Variants in FAM135B observed in about 807,000 individuals in gnomAD.
FAM135B encodes the protein protein FAM135B.
In FAM135B, 43 loss-of-function variants were observed where a neutral mutation model predicts 127.7. The ratio of observed to expected loss-of-function variants is 0.34; its 90% confidence interval spans 0.26 to 0.43. The LOEUF is 0.43. Ranked by LOEUF, FAM135B falls within the 20% of genes least tolerant of loss-of-function variation. The pLI is 1.00. For synonymous variants in FAM135B, 670 were observed against 665.1 expected (o/e 1.01, Z -0.11); for missense variants, 1,558 against 1,725.6 (o/e 0.90, Z 1.72).
intron 17 of FAM135B, among the ~76,000 whole-genome samples, chr8:138,140,804 C>T (rs1180242813): frequency 8.5e-5 from 13 of 152,104 alleles, no homozygotes; most frequent in Admixed American, 8.5e-4. Context: ...GACTGAGGAG[C>T]ACAGAGATTA....
At chr8:138,492,786 G>A (rs763321576) in intron 1 of FAM135B, among the ~76,000 whole-genome samples, 1 of 152,028 alleles carries the variant, frequency 6.6e-6, no homozygotes, top group Non-Finnish European at 1.5e-5. Context: ...CTTTAAGAAG[G>A]CATCCTTGAC....
chr8:138,380,995 A>AT (rs398047487), intron 1 of FAM135B, among the ~76,000 whole-genome samples: 1 of 151,696 alleles, frequency 6.6e-6, no homozygotes, highest in African/African-American at 2.4e-5. Context: ...ACAAAAAAAA[A>AT]CAGAACATTT....
intron 12 of FAM135B, among the ~76,000 whole-genome samples, chr8:138,155,962 G>C (rs1255234841): frequency 3.3e-5 from 5 of 152,142 alleles, no homozygotes; most frequent in Non-Finnish European, 5.9e-5. Context: ...GACATCTACA[G>C]AACTCTCCAC....
intron 9 of FAM135B, among the ~76,000 whole-genome samples, chr8:138,193,546 T>C (rs1368586557): frequency 2.6e-5 from 4 of 152,192 alleles, no homozygotes; most frequent in African/African-American, 9.7e-5. Flanking sequence ...GTTCCTGTGT[T>C]CCTTGTTGTT....
At chr8:138,323,204 A>G (rs1827571698) in intron 2 of FAM135B, among the ~76,000 whole-genome samples, 2 of 152,316 alleles carry the variant, frequency 1.3e-5, no homozygotes, top group South Asian at 2.1e-4. Flanking sequence ...CTCTACCCGC[A>G]TTCTCCTTAT....
chr8:138,457,625 A>G (rs1836867291), intron 1 of FAM135B, among the ~76,000 whole-genome samples: 2 of 152,162 alleles, frequency 1.3e-5, no homozygotes, highest in South Asian at 2.1e-4. Context: ...AAGGGTTTTC[A>G]TCATCCTTTA....
chr8:138,310,734 T>C (rs1429463605), intron 3 of FAM135B, 107 bp downstream of exon 3: 1 of 959,472 alleles, frequency 1.0e-6, no homozygotes, highest in African/African-American at 1.7e-5. Context: ...CACCACAGAT[T>C]GACTGAGTAT....
intron 12 of FAM135B, among the ~76,000 whole-genome samples, chr8:138,163,671 C>T (rs1248918322): frequency 6.6e-6 from 1 of 152,126 alleles, no homozygotes; most frequent in Non-Finnish European, 1.5e-5. Context: ...GCCTCCCTAG[C>T]CACGTGGAAC....
chr8:138,345,403 A>G (rs1169715260), intron 2 of FAM135B, among the ~76,000 whole-genome samples: 1 of 152,230 alleles, frequency 6.6e-6, no homozygotes, highest in Non-Finnish European at 1.5e-5. Flanking sequence ...TGCAGATGGA[A>G]AGAGTGCTTG....
intron 2 of FAM135B, among the ~76,000 whole-genome samples, chr8:138,351,064 C>G (rs1368239444): frequency 2.6e-5 from 4 of 152,140 alleles, no homozygotes; most frequent in Non-Finnish European, 5.9e-5. Context: ...AAAATCCATA[C>G]AGAATCTACC....
chr8:138,433,461 T>G (rs1835302698), intron 1 of FAM135B, among the ~76,000 whole-genome samples: 1 of 151,548 alleles, frequency 6.6e-6, no homozygotes, highest in Non-Finnish European at 1.5e-5. Flanking sequence ...CAGCAGAGGT[T>G]GCAGTGAGCA....
At position 138,155,466 on chromosome 8, in the gene FAM135B, G is replaced by A. The variant is rs559753502; in HGVS notation, c.1259-2250C>T. On this transcript the variant is annotated intron_variant, in intron 12 of 19. Coordinates refer to ENST00000395297, the MANE Select transcript of FAM135B (RefSeq NM_015912.4). ...AAGAATATTAAACTTAAATGTAAAT[G>A]GGCTAAATGCTCCAATTAAAAGACA... Among the ~76,000 whole-genome samples the A allele has an allele frequency of 1.3e-3, 199 of 152,226 alleles. 4 individuals carry two copies. The highest frequency in any genetic ancestry group is 5.6e-3 in the South Asian group (27 of 4,824).
intron 9 of FAM135B, among the ~76,000 whole-genome samples, chr8:138,187,090 T>C (rs1815652084): frequency 6.6e-6 from 1 of 152,206 alleles, no homozygotes; most frequent in African/African-American, 2.4e-5. Flanking sequence ...ATGTTGGTAT[T>C]GTCATTGTTG....
chr8:138,177,341 A>G lies in FAM135B; in HGVS notation c.1103+6T>C, dbSNP rs372804571. ...GGGATGAAGTGGGCATGCAATGGATACTTACAGATTCTCCTGAAATGTCAG... is the reference window on the plus strand; with the variant it reads ...GGGATGAAGTGGGCATGCAATGGATGCTTACAGATTCTCCTGAAATGTCAG... On this transcript the variant is annotated splice_donor_region_variant and intron_variant, in intron 11 of 19. Coordinates refer to ENST00000395297, the MANE Select transcript of FAM135B (RefSeq NM_015912.4). The G allele has an allele frequency of 3.1e-6, 5 of 1,612,902 alleles. No individual in the cohort carries two copies. The African/African-American group carries it at 6.7e-5, about 22-fold the overall frequency.
intron 1 of FAM135B, among the ~76,000 whole-genome samples, chr8:138,376,170 T>C (rs1831459576): frequency 6.6e-6 from 1 of 152,138 alleles, no homozygotes; most frequent in African/African-American, 2.4e-5. Context: ...CTCGAACTCC[T>C]GACCCCAAGT....
chr8:138,440,982 TAAAG>T (rs911127522), intron 1 of FAM135B: 2 of 152,068 alleles, frequency 1.3e-5, no homozygotes, highest in Admixed American at 6.6e-5. Context: ...ACACAGACCT[TAAAG>T]AAAGAGAGGA....
At chr8:138,442,219 C>T (rs1250711724) in intron 1 of FAM135B, among the ~76,000 whole-genome samples, 4 of 72,740 alleles carry the variant, frequency 5.5e-5, no homozygotes, top group South Asian at 9.2e-4. Flanking sequence ...AAAAATTTAA[C>T]GTGAAGAATA....
intron 1 of FAM135B, among the ~76,000 whole-genome samples, chr8:138,377,616 T>A (rs1587285978): frequency 6.6e-6 from 1 of 152,192 alleles, no homozygotes; most frequent in East Asian, 1.9e-4. Flanking sequence ...ATTCATCTTT[T>A]AAAGGTTCCA....
chr8:138,185,454 A>AAGG (rs1815461373), intron 9 of FAM135B, among the ~76,000 whole-genome samples: 4 of 152,290 alleles, frequency 2.6e-5, no homozygotes, highest in African/African-American at 9.6e-5. Flanking sequence ...AAGGATGTTA[A>AAGG]ATGAAACAAT....
Sources: gnomAD v4.1 joint callset for allele counts (sites outside exome capture counted in the v4.1 genomes callset) on GRCh38, gnomAD v4.1.1 for gene constraint, MANE v1.5 for transcripts, NCBI Gene and HGNC (gene_info 2026-07-23, HGNC 2026-07-21) for gene names.